Variants in IL18BP observed in about 807,000 individuals in gnomAD.
The protein encoded by IL18BP is interleukin-18-binding protein.
In IL18BP, 23 loss-of-function variants were observed where a neutral mutation model predicts 19.9. The observed-to-expected ratio is 1.15, with a 90% CI of 0.83 to 1.64. The LOEUF (loss-of-function observed/expected upper bound fraction) is 1.64. Ranked by LOEUF, IL18BP falls within the 40% of genes most tolerant of loss-of-function variation. The pLI, the probability that IL18BP is intolerant of heterozygous loss-of-function variation, is 0.00. For synonymous variants in IL18BP, 107 were observed against 101.0 expected (o/e 1.06, Z -0.35); for missense variants, 239 against 240.7 (o/e 0.99, Z 0.05).
In IL18BP at chr11:72,001,710, G is replaced by C. The variant is rs944940088; in HGVS notation, c.508-74G>C. 2.5e-6 allele frequency: 4 copies of C among 1,613,150 alleles called. No individual in the cohort carries two copies. The African/African-American group carries it at 5.3e-5, about 21-fold the overall frequency. ...GGAACTTAGGTCTTGGGCAGAGGAG[G>C]TGTAGCCTGGGGCAAAGTGATGAGA... On this transcript the variant is annotated intron_variant, in intron 5 of 5. Transcript: ENST00000393703.
chr11:72,003,465 C>T (rs1238300937), downstream of IL18BP: 15 of 1,529,576 alleles, frequency 9.8e-6, no homozygotes, highest in African/African-American at 4.1e-5. Context: ...GGACAGTAGG[C>T]GGAGGACCAG....
At position 72,002,110 on chromosome 11, in the gene IL18BP, C is replaced by T. The variant is rs910439647; in HGVS notation, c.*249C>T. 5.0e-5 allele frequency: 30 copies of T among 598,686 alleles called. No individual in the cohort carries two copies. Among genetic ancestry groups the T allele is most frequent in the Non-Finnish European group, 8.4e-5 (28 of 333,878 alleles). 37.1% of individuals were successfully genotyped at this position (598,686 alleles called of 1,614,324 possible). A position where few individuals can be genotyped will look rare whatever the true frequency, so the allele number is the denominator to read the frequency against. On this transcript the variant is annotated 3_prime_UTR_variant, in exon 6 of 6. Transcript: ENST00000393703. ...TCCACCTATCCATTAGCCTTCCTAA[C>T]GTCCTACTCCTCACACTGCTCTACT...
At chr11:72,004,445 C>T, downstream of IL18BP, 1 of 1,237,250 alleles carries the variant, frequency 8.1e-7, no homozygotes, top group Non-Finnish European at 1.2e-6. Context: ...AGTCAACGTG[C>T]AACCTGCTCC....
chr11:71,999,193 T>C lies in IL18BP; in HGVS notation c.-59+174T>C, dbSNP rs5743662. The C allele has an allele frequency of 3.0e-3, 1,560 of 512,366 alleles. 6 individuals carry two copies. Among genetic ancestry groups the C allele is most frequent in the South Asian group, 4.5e-3 (319 of 70,670 alleles). The allele number at this position is 512,366 out of a possible 1,614,324, so 31.7% of individuals were successfully genotyped here. On this transcript the variant is annotated intron_variant, in intron 1 of 5. Coordinates refer to ENST00000393703, the MANE Select transcript of IL18BP (RefSeq NM_001039660.2). ...AGGATGTGGACGGACTGGTATGGCA[T>C]TGAGCCTGAAGTGGTCCAACTTGGG...
chr11:72,005,330 G>A, downstream of IL18BP: 1 of 1,608,108 alleles, frequency 6.2e-7, no homozygotes, highest in Non-Finnish European at 8.5e-7. Context: ...CAGCTGCTCA[G>A]GCTCATCCTG....
rs749955452 is a variant in IL18BP, at chr11:72,001,488, TCTC to T, written c.446_448del (p.Ser149del). 99 of 1,613,908 alleles carry T rather than the reference TCTC, an allele frequency of 6.1e-5. No individual in the cohort carries two copies. The highest frequency in any genetic ancestry group is 8.0e-5 in the African/African-American group (6 of 74,894). Reference sequence around the variant, plus strand: ...ACCCCTGCCCTGCACAGCACCAACTTCTCCTGTGTGCTCGTGGACCCTGAACAG... The same window carrying T: ...ACCCCTGCCCTGCACAGCACCAACTTCTGTGTGCTCGTGGACCCTGAACAG... On this transcript the variant is annotated inframe_deletion, in exon 5 of 6. Coordinates refer to ENST00000393703, the MANE Select transcript of IL18BP (RefSeq NM_001039660.2).
At chr11:72,004,568 C>T, downstream of IL18BP, 1 of 1,496,414 alleles carries the variant, frequency 6.7e-7, no homozygotes, top group Non-Finnish European at 9.1e-7. Flanking sequence ...AGAAGGCTCC[C>T]TTTAGTCCTT....
downstream of IL18BP, chr11:72,004,642 C>T (rs763804335): frequency 1.9e-6 from 3 of 1,612,136 alleles, no homozygotes; most frequent in Non-Finnish European, 2.5e-6. Context: ...GCGCCTACCT[C>T]AGGAGTTCCA....
chr11:72,005,828 C>G, downstream of IL18BP: 2 of 580,152 alleles, frequency 3.4e-6, no homozygotes, highest in Non-Finnish European at 6.1e-6. Context: ...GGGCCCTTAA[C>G]TCTGGCTAAG....
intron 2 of IL18BP, among the ~76,000 whole-genome samples, 160 bp downstream of exon 2, chr11:72,000,172 A>C (rs1393847218): frequency 1.3e-5 from 2 of 152,182 alleles, no homozygotes; most frequent in African/African-American, 4.8e-5. Context: ...CTCTGGCTCC[A>C]GTCTAAAGCT....
intron 3 of IL18BP, 54 bp downstream of exon 3, chr11:72,000,611 G>T: frequency 6.7e-7 from 1 of 1,498,734 alleles, no homozygotes; most frequent in Non-Finnish European, 9.2e-7. Flanking sequence ...TCCCAGGGTC[G>T]GGTTGACTCC....
chr11:72,007,204 G>A, downstream of IL18BP: 3 of 1,609,908 alleles, frequency 1.9e-6, no homozygotes, highest in Non-Finnish European at 2.5e-6. Flanking sequence ...TCATGGTGAT[G>A]TTGATGATCT....
downstream of IL18BP, chr11:72,007,819 A>C: frequency 5.6e-6 from 2 of 356,140 alleles, no homozygotes; most frequent in East Asian, 6.9e-5. Context: ...GCATAATCCA[A>C]TGTCGTCCTG....
chr11:72,003,746 C>A, downstream of IL18BP: 1 of 1,021,144 alleles, frequency 9.8e-7, no homozygotes. Context: ...TGGAGAGGAG[C>A]TACCAGGACA....
At chr11:72,007,585 G>A (rs2134555368), downstream of IL18BP, 2 of 975,264 alleles carry the variant, frequency 2.1e-6, no homozygotes, top group East Asian at 2.6e-5. Flanking sequence ...ACCAAGGAAA[G>A]CACTTGACCT....
In IL18BP at chr11:72,001,247, C is replaced by G. The variant is rs758636482; in HGVS notation, c.282C>G (p.Asn94Lys). Residue 94 changes from asparagine (N) to lysine (K), a missense_variant, in exon 4 of 6, where the codon AAC (asparagine) becomes AAG (lysine). Asn to Lys is a moderately conservative substitution (Grantham distance 94). Coordinates refer to ENST00000393703, the MANE Select transcript of IL18BP (RefSeq NM_001039660.2). ...LSCVACSRFP[N>K]FSILYWLGNG... Reference sequence around the variant, plus strand: ...GTGTGGCCTGCAGCCGCTTCCCCAACTTCAGCATCCTCTACTGGCTGGGCA... The same window carrying G: ...GTGTGGCCTGCAGCCGCTTCCCCAAGTTCAGCATCCTCTACTGGCTGGGCA... 2 of 1,614,250 alleles carry G rather than the reference C, an allele frequency of 1.2e-6. No individual in the cohort carries two copies. Among genetic ancestry groups the G allele is most frequent in the Non-Finnish European group, 1.7e-6 (2 of 1,180,038 alleles).
intron 1 of IL18BP, chr11:71,999,704 C>G (rs1955107509): frequency 6.6e-6 from 3 of 454,798 alleles, no homozygotes; most frequent in Non-Finnish European, 1.2e-5. Context: ...TTTGCCTTCC[C>G]TAATGAAGGG....
downstream of IL18BP, chr11:72,004,535 A>C: frequency 7.7e-7 from 1 of 1,297,898 alleles, no homozygotes; most frequent in Non-Finnish European, 1.1e-6. Flanking sequence ...AGGGAAAGAG[A>C]GGGGGAAGTG....
chr11:72,003,583 T>C, downstream of IL18BP: 1 of 1,613,102 alleles, frequency 6.2e-7, no homozygotes, highest in African/African-American at 1.3e-5. Flanking sequence ...CTTGCGATAC[T>C]AGCCTGCACC....
Sources: allele counts gnomAD v4.1 joint callset (sites outside exome capture counted in the v4.1 genomes callset), GRCh38; gene constraint gnomAD v4.1.1; transcripts MANE v1.5; gene names NCBI Gene and HGNC (gene_info 2026-07-23, HGNC 2026-07-21).